The following AGPAT4 variants were observed in gnomAD, a reference collection of about 807,000 sequenced individuals.
AGPAT4 encodes 1-acyl-sn-glycerol-3-phosphate acyltransferase delta.
In AGPAT4, 15 loss-of-function variants were observed where a neutral mutation model predicts 48.0. That is an observed-to-expected ratio of 0.31 (90% CI 0.21 to 0.48). The LOEUF (loss-of-function observed/expected upper bound fraction) is 0.48. AGPAT4 is among the 20% of genes least tolerant of loss of function. The pLI is 0.99. For missense variants in AGPAT4, 314 were observed against 482.5 expected, an observed-to-expected ratio of 0.65 and a Z score of 3.27; for synonymous variants, 178 against 198.7, an observed-to-expected ratio of 0.90 and a Z score of 0.88.
chr6:161,195,219 C>T lies in AGPAT4; in HGVS notation c.179-28802G>A, dbSNP rs978188074. ...ATTTGAAGCAAATTTCTCATTTAAC[C>T]GAAAACCAAGATGAAGGATAATTCA... On this transcript the variant is annotated intron_variant, in intron 2 of 8. Transcript: ENST00000320285. The surrounding 1 kb of genome is among the most constrained non-coding windows in gnomAD (Gnocchi z 5.0). Among the ~76,000 whole-genome samples, 8 of 152,164 alleles carry T rather than the reference C, an allele frequency of 5.3e-5. No individual in the cohort carries two copies. The highest frequency in any genetic ancestry group is 2.1e-4 in the South Asian group (1 of 4,816).
Position 161,195,538 on chromosome 6 carries a change from T to C in AGPAT4, c.179-29121A>G, listed in dbSNP as rs1290906221. ...GCTCAAAGCGCTTCCTAGCGCACAC[T>C]TCATGTAACAGTTCACTCAGCAAGC... On this transcript the variant is annotated intron_variant, in intron 2 of 8. Transcript: ENST00000320285. The surrounding 1 kb of genome is among the most constrained non-coding windows in gnomAD (Gnocchi z 5.0). Among the ~76,000 whole-genome samples the C allele has an allele frequency of 1.3e-5, 2 of 152,172 alleles. No individual in the cohort carries two copies. The highest frequency in any genetic ancestry group is 2.9e-5 in the Non-Finnish European group (2 of 68,026).
rs1778891057 is a variant in AGPAT4 at position 161,131,280 on chromosome 6, C to T, written c.*5260G>A. ...TAGGTGCTTAAGAACTGCTTTTTAACCCATTCACAACCTTCATATTAAACT... is the reference window on the plus strand; with the variant it reads ...TAGGTGCTTAAGAACTGCTTTTTAATCCATTCACAACCTTCATATTAAACT... On this transcript the variant is annotated 3_prime_UTR_variant, in exon 9 of 9. Coordinates refer to ENST00000320285, the MANE Select transcript of AGPAT4 (RefSeq NM_020133.3). 1 of 171,084 alleles carries T rather than the reference C, an allele frequency of 5.8e-6. No individual in the cohort carries two copies. The highest frequency in any genetic ancestry group is 1.3e-5 in the Non-Finnish European group (1 of 78,632). 10.6% of individuals were successfully genotyped at this position (171,084 alleles called of 1,614,324 possible). A position where few individuals can be genotyped will look rare whatever the true frequency, so the allele number is the denominator to read the frequency against.
chr6:161,255,447 T>C lies in AGPAT4; in HGVS notation c.-90+18491A>G, dbSNP rs1235926231. On this transcript the variant is annotated intron_variant, in intron 1 of 8. Coordinates refer to ENST00000320285, the MANE Select transcript of AGPAT4 (RefSeq NM_020133.3). This position sits in a 1 kb window ranked among gnomAD's most constrained non-coding sequence, Gnocchi z 4.7. Reference sequence around the variant, plus strand: ...ACGTTCACGGCAGCGTTGCTCTCGATAGCCAAAGGCCGAAACAGCCCCAGT... The same window carrying C: ...ACGTTCACGGCAGCGTTGCTCTCGACAGCCAAAGGCCGAAACAGCCCCAGT... Among the ~76,000 whole-genome samples, 6 of 152,186 alleles carry C rather than the reference T, an allele frequency of 3.9e-5. No individual in the cohort carries two copies. The highest frequency in any genetic ancestry group is 7.3e-5 in the Non-Finnish European group (5 of 68,040).
chr6:161,207,875 G>T (rs1781419955), intron 2 of AGPAT4, among the ~76,000 whole-genome samples: 1 of 152,144 alleles, frequency 6.6e-6, no homozygotes, highest in Non-Finnish European at 1.5e-5. Flanking sequence ...GGTTGAGTGG[G>T]TGGGGACAGG....
Position 161,270,484 on chromosome 6 carries a change from G to A in AGPAT4, c.-90+3454C>T, listed in dbSNP as rs1783389801. On this transcript the variant is annotated intron_variant, in intron 1 of 8. Transcript: ENST00000320285. This position sits in a 1 kb window ranked among gnomAD's most constrained non-coding sequence, Gnocchi z 5.3. Reference sequence around the variant, plus strand: ...TCAAACACCATTCAGAAATGTGAATGTGGGCCAGGCACGGTGGCTCACGCC... The same window carrying A: ...TCAAACACCATTCAGAAATGTGAATATGGGCCAGGCACGGTGGCTCACGCC... 6.6e-6 allele frequency among the ~76,000 whole-genome samples: 1 copy of A among 152,182 alleles called. No individual in the cohort carries two copies. The highest frequency in any genetic ancestry group is 6.5e-5 in the Admixed American group (1 of 15,280).
chr6:161,220,997 T>A lies in AGPAT4; in HGVS notation c.178+11039A>T, dbSNP rs1781820000. Among the ~76,000 whole-genome samples the A allele has an allele frequency of 6.6e-6, 1 of 152,074 alleles. No homozygotes were observed. The highest frequency in any genetic ancestry group is 2.4e-5 in the African/African-American group (1 of 41,396). On this transcript the variant is annotated intron_variant, in intron 2 of 8. Coordinates refer to ENST00000320285, the MANE Select transcript of AGPAT4 (RefSeq NM_020133.3). The surrounding 1 kb of genome is among the most constrained non-coding windows in gnomAD (Gnocchi z 6.0). ...ACGGGGTTTACCATGTTGGTCAGGC[T>A]GGTCTTGAACTCCTGACCTCAGGTG...
intron 2 of AGPAT4, among the ~76,000 whole-genome samples, chr6:161,175,189 T>G (rs1010079088): frequency 1.3e-5 from 2 of 152,042 alleles, no homozygotes; most frequent in Non-Finnish European, 2.9e-5. Context: ...GATTCTCTTT[T>G]TTTCTATTGA....
In AGPAT4 at chr6:161,217,744, C is replaced by G. The variant is rs1412559556; in HGVS notation, c.178+14292G>C. On this transcript the variant is annotated intron_variant, in intron 2 of 8. Coordinates refer to ENST00000320285, the MANE Select transcript of AGPAT4 (RefSeq NM_020133.3). The surrounding 1 kb of genome is among the most constrained non-coding windows in gnomAD (Gnocchi z 4.9). ...TGGCATATTCAGAAATCCTCAAAGC[C>G]CTGGAATTGGATCAGGGAGTCCAGC... Among the ~76,000 whole-genome samples, 1 of 152,174 alleles carries G rather than the reference C, an allele frequency of 6.6e-6. No homozygotes were observed. The highest frequency in any genetic ancestry group is 1.5e-5 in the Non-Finnish European group (1 of 68,032).
chr6:161,210,456 G>A (rs1440361405), intron 2 of AGPAT4, among the ~76,000 whole-genome samples: 1 of 152,126 alleles, frequency 6.6e-6, no homozygotes, highest in Non-Finnish European at 1.5e-5. Context: ...CTATCGGCAT[G>A]CCTAATATGT....
chr6:161,187,061 T>C (rs556424422), intron 2 of AGPAT4, among the ~76,000 whole-genome samples: 2 of 152,318 alleles, frequency 1.3e-5, no homozygotes, highest in African/African-American at 2.4e-5. Flanking sequence ...GGCATATTAC[T>C]TAACCTTGCT....
chr6:161,252,990 C>G (rs1782844308), intron 1 of AGPAT4, among the ~76,000 whole-genome samples: 2 of 151,808 alleles, frequency 1.3e-5, no homozygotes. Context: ...CCAAGGCAGG[C>G]AGATCATGAG....
chr6:161,181,924 G>A (rs1356789864), intron 2 of AGPAT4, among the ~76,000 whole-genome samples: 3 of 152,262 alleles, frequency 2.0e-5, no homozygotes, highest in East Asian at 3.9e-4. Context: ...ACTCTTTTAT[G>A]TGTAAAGCAC....
chr6:161,161,223 T>C lies in AGPAT4; in HGVS notation c.348+5025A>G, dbSNP rs113793426. The C allele has an allele frequency of 1.3e-5, 6 of 456,688 alleles. No individual in the cohort carries two copies. The highest frequency in any genetic ancestry group is 4.0e-5 in the African/African-American group (2 of 50,186). 28.3% of individuals were successfully genotyped at this position (456,688 alleles called of 1,614,324 possible). ...TGGTCAACAAAGAAGAAGACCCCGG[T>C]GTGTCCAACGTGGGACCGGACTTTT... On this transcript the variant is annotated intron_variant, in intron 3 of 8. Transcript: ENST00000320285. This position sits in a 1 kb window ranked among gnomAD's most constrained non-coding sequence, Gnocchi z 4.6.
In AGPAT4 at chr6:161,255,984, T is replaced by C. The variant is rs1782932833; in HGVS notation, c.-90+17954A>G. On this transcript the variant is annotated intron_variant, in intron 1 of 8. Coordinates refer to ENST00000320285, the MANE Select transcript of AGPAT4 (RefSeq NM_020133.3). The surrounding 1 kb of genome is among the most constrained non-coding windows in gnomAD (Gnocchi z 4.7). Reference sequence around the variant, plus strand: ...CAGTCCACACAGCCATGTCAACACATAGAGGGACATGCTGTTTAGATGAAG... The same window carrying C: ...CAGTCCACACAGCCATGTCAACACACAGAGGGACATGCTGTTTAGATGAAG... Among the ~76,000 whole-genome samples the C allele has an allele frequency of 6.6e-6, 1 of 151,966 alleles. No individual in the cohort carries two copies. The highest frequency in any genetic ancestry group is 2.4e-5 in the African/African-American group (1 of 41,344).
rs1014820319 is a variant in AGPAT4 at position 161,264,428 on chromosome 6, G to A, written c.-90+9510C>T. ...CCACTCCTCTGGTCTCTGGCACTCCGTGAGAAGCGTGCACACTGGGACCAA... is the reference window on the plus strand; with the variant it reads ...CCACTCCTCTGGTCTCTGGCACTCCATGAGAAGCGTGCACACTGGGACCAA... On this transcript the variant is annotated intron_variant, in intron 1 of 8. Coordinates refer to ENST00000320285, the MANE Select transcript of AGPAT4 (RefSeq NM_020133.3). This position sits in a 1 kb window ranked among gnomAD's most constrained non-coding sequence, Gnocchi z 6.8. 3.9e-5 allele frequency among the ~76,000 whole-genome samples: 6 copies of A among 152,128 alleles called. No individual in the cohort carries two copies. Among genetic ancestry groups the A allele is most frequent in the African/African-American group, 1.2e-4 (5 of 41,424 alleles).
In AGPAT4 at chr6:161,132,246, C is replaced by A. The variant is rs1054627581; in HGVS notation, c.*4294G>T. 12 of 152,222 alleles carry A rather than the reference C, an allele frequency of 7.9e-5. No individual in the cohort carries two copies. The highest frequency in any genetic ancestry group is 2.9e-4 in the African/African-American group (12 of 41,462). The allele number at this position is 152,222 out of a possible 1,614,324, so 9.4% of individuals were successfully genotyped here. On this transcript the variant is annotated 3_prime_UTR_variant, in exon 9 of 9. Coordinates refer to ENST00000320285, the MANE Select transcript of AGPAT4 (RefSeq NM_020133.3). ...TGTTTTCAATTAAATTTCTGAAGAT[C>A]TTTGTAGGGAAGCACCCTTCTGAGA...
intron 2 of AGPAT4, among the ~76,000 whole-genome samples, chr6:161,173,389 G>T (rs575047085): frequency 6.6e-6 from 1 of 152,278 alleles, no homozygotes; most frequent in Admixed American, 6.5e-5. Flanking sequence ...TTTCTCTGAT[G>T]GCCAGTGATG....
chr6:161,165,520 A>T lies in AGPAT4; in HGVS notation c.348+728T>A. 3 of 1,135,494 alleles carry T rather than the reference A, an allele frequency of 2.6e-6. No individual in the cohort carries two copies. Among genetic ancestry groups the T allele is most frequent in the Non-Finnish European group, 3.4e-6 (3 of 882,050 alleles). The allele number at this position is 1,135,494 out of a possible 1,614,324, so 70.3% of individuals were successfully genotyped here. Reference sequence around the variant, plus strand: ...CTAAGTTCTGGTGCAAACTCTTAGGACCTTTCCTAGCCCCAGACCAATGTA... The same window carrying T: ...CTAAGTTCTGGTGCAAACTCTTAGGTCCTTTCCTAGCCCCAGACCAATGTA... On this transcript the variant is annotated intron_variant, in intron 3 of 8. Transcript: ENST00000320285. This position sits in a 1 kb window ranked among gnomAD's most constrained non-coding sequence, Gnocchi z 5.5.
rs187184205 is a variant in AGPAT4 at position 161,211,415 on chromosome 6, A to T, written c.178+20621T>A. Reference sequence around the variant, plus strand: ...TAAAACAAGGTAAAAGGAATGAGGAAATAAAAGAGATGTAAAGAAAGTTAT... The same window carrying T: ...TAAAACAAGGTAAAAGGAATGAGGATATAAAAGAGATGTAAAGAAAGTTAT... On this transcript the variant is annotated intron_variant, in intron 2 of 8. Coordinates refer to ENST00000320285, the MANE Select transcript of AGPAT4 (RefSeq NM_020133.3). 4.1e-3 allele frequency among the ~76,000 whole-genome samples: 622 copies of T among 152,308 alleles called. 4 individuals are homozygous for T. The highest frequency in any genetic ancestry group is 6.5e-3 in the Non-Finnish European group (443 of 68,004).
Sources: allele counts gnomAD v4.1 joint callset (sites outside exome capture counted in the v4.1 genomes callset), GRCh38; gene constraint gnomAD v4.1.1; non-coding constraint Gnocchi (gnomAD v3.1); transcripts MANE v1.5; gene names NCBI Gene and HGNC (gene_info 2026-07-23, HGNC 2026-07-21).